Variants in MTHFD2L observed in about 807,000 individuals in gnomAD.
MTHFD2L encodes methylenetetrahydrofolate dehydrogenase (NADP+ dependent) 2 like, also known as bifunctional methylenetetrahydrofolate dehydrogenase/cyclohydrolase 2, mitochondrial.
MTHFD2L carries 29 observed loss-of-function variants against 34.9 expected under a neutral mutation model. The ratio of observed to expected loss-of-function variants is 0.83; its 90% CI spans 0.62 to 1.13. The LOEUF is 1.13. MTHFD2L is among the 50% of genes most tolerant of loss of function. The probability of loss-of-function intolerance (pLI) is 0.00; values close to 1 mark genes in which losing one functional copy is unlikely to be tolerated. For synonymous variants in MTHFD2L, 167 were observed against 155.7 expected (o/e 1.07, Z -0.54); for missense variants, 481 against 446.5 (o/e 1.08, Z -0.70).
intron 7 of MTHFD2L, among the ~76,000 whole-genome samples, chr4:74,284,693 A>G (rs1335384424): frequency 7.9e-5 from 12 of 152,046 alleles, no homozygotes; most frequent in Admixed American, 6.6e-4. Context: ...ATCAGGAAAC[A>G]ACAGGTGCTG....
At chr4:74,118,605 A>G (rs555045385), upstream of MTHFD2L, among the ~76,000 whole-genome samples, 1 of 152,332 alleles carries the variant, frequency 6.6e-6, no homozygotes, top group East Asian at 1.9e-4. Context: ...GTCTTAATCT[A>G]AGATGACTGG....
In MTHFD2L at chr4:74,201,298, G is replaced by A; in HGVS notation, c.640G>A (p.Gly214Arg). 6.2e-7 allele frequency: 1 copy of A among 1,613,562 alleles called. No homozygotes were observed. Among genetic ancestry groups the A allele is most frequent in the Non-Finnish European group, 8.5e-7 (1 of 1,179,714 alleles). The change falls in exon 5 of 8, where the codon GGA becomes AGA. Residue 214 changes from glycine (G) to arginine (R), a missense_variant. Physicochemically the swap from Gly to Arg is moderately radical, Grantham distance 125 (BLOSUM62 -2). Coordinates refer to ENST00000325278, the MANE Select transcript of MTHFD2L (RefSeq NM_001144978.3). Reference protein sequence around the residue: ...QTFGKNVVVAGRSKNVGMPIA... With the variant: ...QTFGKNVVVARRSKNVGMPIA... Reference sequence around the variant, plus strand: ...ATTTGGAAAAAATGTGGTTGTGGCTGGAAGATCCAAGAACGTAGGGATGCC... The same window carrying A: ...ATTTGGAAAAAATGTGGTTGTGGCTAGAAGATCCAAGAACGTAGGGATGCC...
intron 3 of MTHFD2L, among the ~76,000 whole-genome samples, chr4:74,182,575 CT>C (rs1730402621): frequency 6.6e-6 from 1 of 152,166 alleles, no homozygotes; most frequent in African/African-American, 2.4e-5. Context: ...AATGTCACTG[CT>C]TTGGGGAAGC....
rs1453496483 is a variant in MTHFD2L at position 74,225,358 on chromosome 4, C to A, written c.769C>A (p.His257Asn). ...RYTPKEQLKI[H>N]TQLADIIIVA... ...CACCCCCAAAGAGCAACTGAAGATT[C>A]ATACGCAGCTGGCAGATATTATCAT... Residue 257 changes from histidine to asparagine, a missense_variant, in exon 6 of 8, where the codon CAT becomes AAT. Coordinates refer to ENST00000325278, the MANE Select transcript of MTHFD2L (RefSeq NM_001144978.3). 1.9e-6 allele frequency: 3 copies of A among 1,613,018 alleles called. No homozygotes were observed. Among genetic ancestry groups the A allele is most frequent in the Non-Finnish European group, 1.7e-6 (2 of 1,179,348 alleles).
intron 7 of MTHFD2L, among the ~76,000 whole-genome samples, chr4:74,299,017 TG>T (rs1410269829): frequency 6.6e-6 from 1 of 151,974 alleles, no homozygotes; most frequent in East Asian, 1.9e-4. Flanking sequence ...GCATAATTCT[TG>T]GCAAGTAATT....
intron 1 of MTHFD2L, chr4:74,161,034 CTTT>C (rs1725331409): frequency 6.6e-6 from 1 of 152,094 alleles, no homozygotes. Context: ...GGTAGATTCT[CTTT>C]TTTGTCTTCA....
At chr4:74,244,208 C>A (rs1201872973) in intron 6 of MTHFD2L, among the ~76,000 whole-genome samples, 2 of 152,012 alleles carry the variant, frequency 1.3e-5, no homozygotes, top group Non-Finnish European at 2.9e-5. Context: ...TTACATTCAT[C>A]ACCACAATCT....
intron 6 of MTHFD2L, among the ~76,000 whole-genome samples, chr4:74,238,209 C>T (rs1168035982): frequency 2.0e-5 from 3 of 152,114 alleles, no homozygotes; most frequent in Non-Finnish European, 2.9e-5. Context: ...GAGACTCTGA[C>T]GGAGCACCTG....
At chr4:74,220,954 A>AT (rs980808907) in intron 5 of MTHFD2L, among the ~76,000 whole-genome samples, 15 of 150,730 alleles carry the variant, frequency 1.0e-4, no homozygotes, top group Admixed American at 7.3e-4. Context: ...TTTGTCCACA[A>AT]TTTTTTTAAC....
chr4:74,192,547 A>G (rs1361789747), intron 3 of MTHFD2L, among the ~76,000 whole-genome samples: 1 of 152,136 alleles, frequency 6.6e-6, no homozygotes, highest in Non-Finnish European at 1.5e-5. Flanking sequence ...GTATTATTCC[A>G]TAAGTTTTGA....
intron 2 of MTHFD2L, 41 bp from the exon 3 acceptor site, chr4:74,175,240 T>A: frequency 6.3e-7 from 1 of 1,598,078 alleles, no homozygotes; most frequent in Non-Finnish European, 8.5e-7. Context: ...AAAACCATAT[T>A]CAGTTAGTCA....
chr4:74,132,209 A>G (rs189045393), intron 1 of MTHFD2L, among the ~76,000 whole-genome samples: 5 of 152,278 alleles, frequency 3.3e-5, no homozygotes, highest in Admixed American at 3.3e-4. Context: ...AGAACCAGAA[A>G]TACCATTTGA....
intron 1 of MTHFD2L, among the ~76,000 whole-genome samples, chr4:74,159,218 T>G (rs1724874071): frequency 6.6e-6 from 1 of 152,222 alleles, no homozygotes; most frequent in Non-Finnish European, 1.5e-5. Context: ...TAAAAATTAC[T>G]TCCTATAGGA....
At chr4:74,234,861 CAGAGAG>C (rs766559765) in intron 6 of MTHFD2L, among the ~76,000 whole-genome samples, 1 of 150,850 alleles carries the variant, frequency 6.6e-6, no homozygotes, top group South Asian at 2.1e-4. Context: ...AAAATAAAAA[CAGAGAG>C]AGAGAGCATC....
chr4:74,130,602 T>A (rs1330124111), intron 1 of MTHFD2L, among the ~76,000 whole-genome samples: 1 of 152,196 alleles, frequency 6.6e-6, no homozygotes, highest in African/African-American at 2.4e-5. Context: ...CAATAAGAGC[T>A]ATTTATGACA....
At chr4:74,230,407 TG>T (rs747960993) in intron 6 of MTHFD2L, among the ~76,000 whole-genome samples, 18 of 151,822 alleles carry the variant, frequency 1.2e-4, no homozygotes, top group Non-Finnish European at 2.1e-4. Flanking sequence ...CTGTCCAACA[TG>T]GTGAAACCCT....
In MTHFD2L at chr4:74,291,003, C is replaced by CCTTTTTTTTTTTTTTTTTTTTTTT. The variant is rs1748846516; in HGVS notation, c.931+9453_931+9454insCTTTTTTTTTTTTTTTTTTTTTTT. Among the ~76,000 whole-genome samples, 2 of 29,272 alleles carry CCTTTTTTTTTTTTTTTTTTTTTTT rather than the reference C, an allele frequency of 6.8e-5. 1 individual carries two copies. Among genetic ancestry groups the CCTTTTTTTTTTTTTTTTTTTTTTT allele is most frequent in the Non-Finnish European group, 1.3e-4 (2 of 15,364 alleles). 19.2% of individuals were successfully genotyped at this position (29,272 alleles called of 152,430 possible). A position where few individuals can be genotyped will look rare whatever the true frequency, so the allele number is the denominator to read the frequency against. ...CTGTCTTACATTTATTTTTCCTTTT[C>CCTTTTTTTTTTTTTTTTTTTTTTT]TTTTTTTTTTTTTTTTTTTTTTTTT... On this transcript the variant is annotated intron_variant, in intron 7 of 7. Transcript: ENST00000325278.
chr4:74,209,806 C>T lies in MTHFD2L; in HGVS notation c.712+8436C>T, dbSNP rs577179193. On this transcript the variant is annotated intron_variant, in intron 5 of 7. Coordinates refer to ENST00000325278, the MANE Select transcript of MTHFD2L (RefSeq NM_001144978.3). ...CAATGGTTGAACTAATTTACACTCC[C>T]ACCAACAGTGTAAAAGCATTCCTAT... Among the ~76,000 whole-genome samples the T allele has an allele frequency of 9.2e-5, 14 of 152,288 alleles. No individual in the cohort carries two copies. In the South Asian group the frequency reaches 2.9e-3, roughly 32 times the overall value.
intron 1 of MTHFD2L, among the ~76,000 whole-genome samples, chr4:74,128,387 T>C (rs1012730184): frequency 6.6e-6 from 1 of 152,138 alleles, no homozygotes; most frequent in African/African-American, 2.4e-5. Context: ...TTTGATTACA[T>C]TTTTGTATAG....
Sources: allele counts gnomAD v4.1 joint callset (sites outside exome capture counted in the v4.1 genomes callset), GRCh38; gene constraint gnomAD v4.1.1; transcripts MANE v1.5; gene names NCBI Gene and HGNC (gene_info 2026-07-23, HGNC 2026-07-21).